Variants in SEPTIN14 observed in about 807,000 individuals in gnomAD.
The protein encoded by SEPTIN14 is septin-14.
In SEPTIN14, 40 loss-of-function variants were observed where a neutral mutation model predicts 53.6. The observed-to-expected ratio is 0.75, with a 90% CI of 0.58 to 0.97. The LOEUF is 0.97. Among genes scored for constraint, SEPTIN14 ranks in the 50% least tolerant of loss-of-function variants. The probability of loss-of-function intolerance (pLI) is 0.00; values close to 1 mark genes in which losing one functional copy is unlikely to be tolerated. For synonymous variants in SEPTIN14, 138 were observed against 166.8 expected (o/e 0.83, Z 1.33); for missense variants, 471 against 508.2 (o/e 0.93, Z 0.70).
chr7:55,829,179 G>A (rs1413139019), intron 6 of SEPTIN14, among the ~76,000 whole-genome samples: 1 of 151,780 alleles, frequency 6.6e-6, no homozygotes, highest in African/African-American at 2.4e-5. Context: ...AGGAGTTCCA[G>A]ATCAGCCTGG....
chr7:55,853,767 C>A (rs1457130374), intron 2 of SEPTIN14, among the ~76,000 whole-genome samples: 2 of 152,024 alleles, frequency 1.3e-5, no homozygotes, highest in African/African-American at 4.8e-5. Context: ...GCGCCTATAA[C>A]AAAATATCTC....
chr7:55,857,656 C>T (rs1169863842), intron 2 of SEPTIN14, among the ~76,000 whole-genome samples: 1 of 128,958 alleles, frequency 7.8e-6, no homozygotes, highest in Non-Finnish European at 1.5e-5. Context: ...GGCACGATCT[C>T]GGCTCACTGC....
At chr7:55,846,909 C>T (rs1329002783) in intron 2 of SEPTIN14, among the ~76,000 whole-genome samples, 8 of 152,106 alleles carry the variant, frequency 5.3e-5, no homozygotes. Flanking sequence ...AGACAGGGGA[C>T]AGGCACGGTG....
chr7:55,802,854 T>C (rs1479016229), intron 9 of SEPTIN14, among the ~76,000 whole-genome samples: 4 of 151,466 alleles, frequency 2.6e-5, no homozygotes, highest in South Asian at 4.2e-4. Flanking sequence ...GTACATCTGA[T>C]AAGGGGTTAA....
intron 7 of SEPTIN14, among the ~76,000 whole-genome samples, chr7:55,817,562 C>T (rs1788816478): frequency 6.6e-6 from 1 of 151,576 alleles, no homozygotes; most frequent in Non-Finnish European, 1.5e-5. Flanking sequence ...CTCCACCTCC[C>T]GGGTTCACAT....
At chr7:55,816,425 C>T (rs1187780913) in intron 7 of SEPTIN14, among the ~76,000 whole-genome samples, 4 of 152,064 alleles carry the variant, frequency 2.6e-5, no homozygotes, top group Non-Finnish European at 4.4e-5. Flanking sequence ...GTGATTACTA[C>T]ACACTGAATG....
chr7:55,833,229 C>T (rs1020695190), intron 6 of SEPTIN14, among the ~76,000 whole-genome samples: 2 of 151,816 alleles, frequency 1.3e-5, no homozygotes, highest in African/African-American at 2.4e-5. Flanking sequence ...GGAGGAGAAT[C>T]ACTTGAACCT....
At chr7:55,825,737 C>A (rs112955454) in intron 6 of SEPTIN14, among the ~76,000 whole-genome samples, 5,683 of 152,056 alleles carry the variant, frequency 0.037, 131 homozygotes, top group Admixed American at 0.058. Context: ...GAGGCCGAGG[C>A]GGTTGGATCA....
At chr7:55,814,726 G>T (rs1788762485) in intron 7 of SEPTIN14, among the ~76,000 whole-genome samples, 2 of 152,118 alleles carry the variant, frequency 1.3e-5, no homozygotes, top group Non-Finnish European at 2.9e-5. Flanking sequence ...TGTTCATACT[G>T]CTCAAAGCAA....
intron 6 of SEPTIN14, among the ~76,000 whole-genome samples, chr7:55,830,638 A>G (rs10235339): frequency 2.0e-5 from 3 of 150,352 alleles, no homozygotes; most frequent in African/African-American, 7.3e-5. Flanking sequence ...CCACCACGCC[A>G]GGCCCCAACT....
chr7:55,846,105 G>T (rs1353913260), intron 3 of SEPTIN14, among the ~76,000 whole-genome samples: 2 of 65,964 alleles, frequency 3.0e-5, no homozygotes. Context: ...ATACATGCTA[G>T]CCCTGATTCT....
In SEPTIN14 at chr7:55,805,382, T is replaced by C. The variant is rs765979790; in HGVS notation, c.995A>G (p.Glu332Gly). ...CTCTTGTCTTTTGGCTTCAAAGATT[T>C]CTTGAAAACTAAAGAGAAATGTTTT... ...GPNNQPVSFQ[E>G]IFEAKRQEFY... The change falls in exon 9 of 10, where the codon GAA (glutamate) becomes GGA (glycine). Residue 332 changes from glutamate (E) to glycine (G), a missense_variant. Glu to Gly is a moderately conservative substitution (Grantham distance 98). Coordinates refer to ENST00000388975, the MANE Select transcript of SEPTIN14 (RefSeq NM_207366.3). The C allele has an allele frequency of 1.3e-6, 2 of 1,581,530 alleles. No homozygotes were observed. Among genetic ancestry groups the C allele is most frequent in the Non-Finnish European group, 1.7e-6 (2 of 1,162,672 alleles).
At chr7:55,851,750 T>A (rs1298737489) in intron 2 of SEPTIN14, among the ~76,000 whole-genome samples, 1 of 152,124 alleles carries the variant, frequency 6.6e-6, no homozygotes. Context: ...GGCTCACACC[T>A]GTAATCCCAG....
intron 2 of SEPTIN14, among the ~76,000 whole-genome samples, chr7:55,855,804 G>T (rs892511220): frequency 6.6e-6 from 1 of 151,898 alleles, no homozygotes; most frequent in Admixed American, 6.6e-5. Flanking sequence ...CACCCACCTC[G>T]CCCTCCCAAA....
intron 6 of SEPTIN14, among the ~76,000 whole-genome samples, chr7:55,819,808 T>A (rs1788862701): frequency 6.6e-6 from 1 of 152,156 alleles, no homozygotes; most frequent in South Asian, 2.1e-4. Context: ...TCAGTAGGCA[T>A]CATTTTTCTC....
In SEPTIN14 at chr7:55,842,942, C is replaced by G; in HGVS notation, c.558G>C (p.Lys186Asn). ...DLLTMKNLDS[K>N]VNIIPLIAKA... is the part of the protein sequence containing the mutation. ...AAGATGGTAGATTTACCAAACATAC[C>G]TTACTGTCAAGGTTCTTCATTGTTA... Residue 186 changes from lysine to asparagine, a missense_variant and splice_region_variant, in exon 5 of 10, where the codon AAG becomes AAC. Physicochemically the swap from Lys to Asn is moderately conservative, Grantham distance 94. Coordinates refer to ENST00000388975, the MANE Select transcript of SEPTIN14 (RefSeq NM_207366.3). The G allele has an allele frequency of 1.4e-5, 21 of 1,496,270 alleles. No individual in the cohort carries two copies. The highest frequency in any genetic ancestry group is 1.8e-5 in the Non-Finnish European group (20 of 1,123,990). The allele number at this position is 1,496,270 out of a possible 1,614,324, so 92.7% of individuals were successfully genotyped here. A position where few individuals can be genotyped will look rare whatever the true frequency, so the allele number is the denominator to read the frequency against.
rs979954128 is a variant in SEPTIN14 at position 55,793,725 on chromosome 7, A to C, written c.*2188T>G. 1.3e-5 allele frequency: 2 copies of C among 152,186 alleles called. No homozygotes were observed. The highest frequency in any genetic ancestry group is 4.8e-5 in the African/African-American group (2 of 41,472). 9.4% of individuals were successfully genotyped at this position (152,186 alleles called of 1,614,324 possible). ...ATGTGATTGAAGTTAAGTTGAAATA[A>C]ATTCAAATCAGAATGTTATAACTCC... is the stretch of plus-strand genomic sequence containing the variant. On this transcript the variant is annotated 3_prime_UTR_variant, in exon 10 of 10. Coordinates refer to ENST00000388975, the MANE Select transcript of SEPTIN14 (RefSeq NM_207366.3).
At chr7:55,844,976 C>T (rs898173024) in intron 3 of SEPTIN14, among the ~76,000 whole-genome samples, 1 of 151,042 alleles carries the variant, frequency 6.6e-6, no homozygotes, top group African/African-American at 2.4e-5. Context: ...TATCAGTAAA[C>T]TCATGACATG....
chr7:55,842,941 C>A lies in SEPTIN14; in HGVS notation c.558+1G>T, dbSNP rs1413276501. The A allele has an allele frequency of 6.7e-7, 1 of 1,492,868 alleles. No individual in the cohort carries two copies. The highest frequency in any genetic ancestry group is 1.3e-5 in the South Asian group (1 of 75,456). 92.5% of individuals were successfully genotyped at this position (1,492,868 alleles called of 1,614,324 possible). Reference sequence around the variant, plus strand: ...AAAGATGGTAGATTTACCAAACATACCTTACTGTCAAGGTTCTTCATTGTT... The same window carrying A: ...AAAGATGGTAGATTTACCAAACATAACTTACTGTCAAGGTTCTTCATTGTT... On this transcript the variant is annotated splice_donor_variant, in intron 5 of 9. Coordinates refer to ENST00000388975, the MANE Select transcript of SEPTIN14 (RefSeq NM_207366.3). LOFTEE classifies it high-confidence loss of function.
Sources: gnomAD v4.1 joint callset for allele counts (sites outside exome capture counted in the v4.1 genomes callset) on GRCh38, gnomAD v4.1.1 for gene constraint, MANE v1.5 for transcripts, NCBI Gene and HGNC (gene_info 2026-07-23, HGNC 2026-07-21) for gene names.